FAM184A: variants seen among roughly 807,000 people sequenced by gnomAD.
FAM184A encodes protein FAM184A.
A neutral mutation model predicts 143.8 loss-of-function variants in FAM184A; 99 were observed. The observed-to-expected ratio is 0.69, with a 90% confidence interval of 0.58 to 0.81. The LOEUF is 0.81. FAM184A is among the 40% of genes least tolerant of loss of function. The pLI, the probability that FAM184A is intolerant of heterozygous loss-of-function variation, is 0.00. For missense variants in FAM184A, 1,217 were observed against 1,310.5 expected, an observed-to-expected ratio of 0.93 and a Z score of 1.10; for synonymous variants, 427 against 446.4, an observed-to-expected ratio of 0.96 and a Z score of 0.55.
chr6:119,136,176 G>A (rs9489600), intron 1 of FAM184A, among the ~76,000 whole-genome samples: 10 of 149,506 alleles, frequency 6.7e-5, no homozygotes, highest in African/African-American at 2.5e-4. Context: ...TACTCGGGAG[G>A]CTGAGGCAGG....
At chr6:119,003,372 C>G (rs1468427890) in intron 8 of FAM184A, 129 bp downstream of exon 8, 1 of 918,846 alleles carries the variant, frequency 1.1e-6, no homozygotes, top group African/African-American at 1.7e-5. Flanking sequence ...ATTTCTCTGT[C>G]TCTAATCACA....
intron 1 of FAM184A, among the ~76,000 whole-genome samples, chr6:119,143,917 T>C (rs1332655412): frequency 6.6e-6 from 1 of 152,182 alleles, no homozygotes. Context: ...ATTTTATATG[T>C]GCATTGTACA....
In FAM184A at chr6:119,107,602, T is replaced by C. The variant is rs924678662; in HGVS notation, c.-202+41476A>G. Among the ~76,000 whole-genome samples, 4 of 151,928 alleles carry C rather than the reference T, an allele frequency of 2.6e-5. No individual in the cohort carries two copies. The South Asian group carries it at 8.3e-4, about 32-fold the overall frequency. ...TGTAGTGAAAATAATTTGTCTCTAA[T>C]AAAAAACCTAAACAAAACAAAATAA... On this transcript the variant is annotated intron_variant, in intron 1 of 16. Coordinates refer to the FAM184A transcript ENST00000352896.
intron 9 of FAM184A, among the ~76,000 whole-genome samples, chr6:118,998,064 A>G (rs1391052501): frequency 1.3e-5 from 2 of 152,196 alleles, no homozygotes; most frequent in African/African-American, 4.8e-5. Flanking sequence ...TGTAAAATCA[A>G]TACATCTAAG....
At position 119,016,855 on chromosome 6, in the gene FAM184A, T is replaced by C. The variant is rs1471588327; in HGVS notation, c.1422A>G (p.Gln474=). The part of the protein sequence containing the change: ...LQSRLEEEVT[Q]LNEAHSKTLE... Reference sequence around the variant, plus strand: ...AAGTCTTAGAATGGGCCTCGTTTAATTGAGTCACCTCCTCTTCCAATCTAC... The same window carrying C: ...AAGTCTTAGAATGGGCCTCGTTTAACTGAGTCACCTCCTCTTCCAATCTAC... Residue 474 remains glutamine, a synonymous_variant, in exon 5 of 18, where the codon CAA becomes CAG. Transcript: ENST00000338891. 6.2e-7 allele frequency: 1 copy of C among 1,613,988 alleles called. No homozygotes were observed. Among genetic ancestry groups the C allele is most frequent in the Non-Finnish European group, 8.5e-7 (1 of 1,179,944 alleles).
At chr6:119,133,448 G>C (rs1789586765) in intron 1 of FAM184A, among the ~76,000 whole-genome samples, 1 of 152,148 alleles carries the variant, frequency 6.6e-6, no homozygotes, top group Non-Finnish European at 1.5e-5. Flanking sequence ...AAGGAAGTAG[G>C]ATTGGGCAGA....
chr6:119,109,849 G>A (rs368514605), intron 1 of FAM184A, among the ~76,000 whole-genome samples: 16 of 152,012 alleles, frequency 1.1e-4, no homozygotes, highest in South Asian at 6.2e-4. Context: ...TAAATGTTGC[G>A]TAATATCTGC....
intron 5 of FAM184A, among the ~76,000 whole-genome samples, chr6:119,012,220 A>G (rs2114661809): frequency 6.6e-6 from 1 of 152,362 alleles, no homozygotes; most frequent in South Asian, 2.1e-4. Context: ...AAAGGAGCAC[A>G]GTATGTTACA....
intron 1 of FAM184A, among the ~76,000 whole-genome samples, chr6:119,084,527 C>T (rs898110708): frequency 6.6e-6 from 1 of 152,218 alleles, no homozygotes; most frequent in Non-Finnish European, 1.5e-5. Flanking sequence ...CAGTTGCTCT[C>T]ATGGGCTGGC....
chr6:118,969,575 C>T (rs1194987930), intron 14 of FAM184A, among the ~76,000 whole-genome samples: 2 of 152,160 alleles, frequency 1.3e-5, no homozygotes, highest in Non-Finnish European at 2.9e-5. Flanking sequence ...TTTTTCTTTT[C>T]TTCAGTTGCC....
chr6:119,026,126 G>A (rs142368341), intron 1 of FAM184A, among the ~76,000 whole-genome samples: 366 of 152,214 alleles, frequency 2.4e-3, no homozygotes, highest in Middle Eastern at 0.01. Context: ...CCATATACTC[G>A]CTTAGTCTGC....
chr6:119,137,060 A>G (rs1789691365), intron 1 of FAM184A, among the ~76,000 whole-genome samples: 1 of 152,252 alleles, frequency 6.6e-6, no homozygotes, highest in African/African-American at 2.4e-5. Context: ...ACATCTGGGC[A>G]CTGTCCCAGT....
intron 1 of FAM184A, among the ~76,000 whole-genome samples, chr6:119,133,367 G>T (rs371201400): frequency 6.6e-6 from 1 of 152,218 alleles, no homozygotes; most frequent in Non-Finnish European, 1.5e-5. Flanking sequence ...GGAAGACTCC[G>T]AAATGGAGAT....
At chr6:118,988,129 A>C (rs1281490085) in intron 9 of FAM184A, among the ~76,000 whole-genome samples, 1 of 152,222 alleles carries the variant, frequency 6.6e-6, no homozygotes, top group Non-Finnish European at 1.5e-5. Flanking sequence ...CGCTATGAAG[A>C]AAAGATTACA....
In FAM184A at chr6:119,016,877, C is replaced by A. The variant is rs1785274243; in HGVS notation, c.1400G>T (p.Arg467Ile). 2 of 1,614,040 alleles carry A rather than the reference C, an allele frequency of 1.2e-6. No individual in the cohort carries two copies. Among genetic ancestry groups the A allele is most frequent in the Non-Finnish European group, 1.7e-6 (2 of 1,179,922 alleles). The change falls in exon 5 of 18, where the codon AGA (arginine) becomes ATA (isoleucine). Residue 467 changes from arginine to isoleucine, a missense_variant. Physicochemically the swap from Arg to Ile is moderately conservative, Grantham distance 97. Transcript: ENST00000338891. ...TAATTGAGTCACCTCCTCTTCCAAT[C>A]TACTTTGCAGGTTTTTAAGTTCCCT... ...YERELKNLQS[R>I]LEEEVTQLNE...
At chr6:119,058,175 C>CTTTT (rs5879483) in intron 1 of FAM184A, among the ~76,000 whole-genome samples, 6 of 89,718 alleles carry the variant, frequency 6.7e-5, no homozygotes, top group African/African-American at 1.7e-4. Context: ...CTCCTTCTCT[C>CTTTT]TTTTTTTTTT....
At chr6:119,103,430 T>C (rs997755847) in intron 1 of FAM184A, among the ~76,000 whole-genome samples, 2 of 152,212 alleles carry the variant, frequency 1.3e-5, no homozygotes, top group Admixed American at 1.3e-4. Context: ...AAAGACACTT[T>C]AGCTGATGCA....
intron 14 of FAM184A, among the ~76,000 whole-genome samples, chr6:118,969,118 C>T (rs896740448): frequency 2.6e-5 from 4 of 152,098 alleles, no homozygotes; most frequent in Non-Finnish European, 4.4e-5. Context: ...AAATCATTTC[C>T]CCCCTTGCTT....
intron 17 of FAM184A, among the ~76,000 whole-genome samples, chr6:118,961,098 T>C (rs967727577): frequency 6.6e-6 from 1 of 151,998 alleles, no homozygotes; most frequent in African/African-American, 2.4e-5. Flanking sequence ...AAATCAGTAA[T>C]AGTAAGATGA....
Sources: allele counts gnomAD v4.1 joint callset (sites outside exome capture counted in the v4.1 genomes callset), GRCh38; gene constraint gnomAD v4.1.1; transcripts MANE v1.5; gene names NCBI Gene and HGNC (gene_info 2026-07-23, HGNC 2026-07-21).